CYP7B1: variants seen among roughly 807,000 people sequenced by gnomAD.
The protein encoded by CYP7B1 is cytochrome P450 7B1.
Under a neutral mutation model 42.7 loss-of-function variants are expected in CYP7B1, and 29 were observed. That is an observed-to-expected ratio of 0.68 (90% confidence interval 0.51 to 0.93). The LOEUF (loss-of-function observed/expected upper bound fraction) is 0.93. Among genes scored for constraint, CYP7B1 ranks in the 40% least tolerant of loss-of-function variants. CYP7B1 has a pLI of 0.00. For missense variants in CYP7B1, 655 were observed against 600.5 expected (o/e 1.09, Z -0.95); for synonymous variants, 235 against 218.2 (o/e 1.08, Z -0.68).
In CYP7B1 at chr8:64,596,099, A is replaced by G. The variant is rs1805113199; in HGVS notation, c.*543T>C. 6.2e-6 allele frequency: 1 copy of G among 161,936 alleles called. No individual in the cohort carries two copies. Among genetic ancestry groups the G allele is most frequent in the Admixed American group, 6.3e-5 (1 of 15,818 alleles). 10.0% of individuals were successfully genotyped at this position (161,936 alleles called of 1,614,324 possible). ...GAAGTGAAGTTGAAGCATTCAATCT[A>G]CTGTGAAACTCATTTAATGCACACA... is the stretch of plus-strand genomic sequence containing the variant. On this transcript the variant is annotated 3_prime_UTR_variant, in exon 6 of 6. Coordinates refer to ENST00000310193, the MANE Select transcript of CYP7B1 (RefSeq NM_004820.5).
At chr8:64,639,329 A>T (rs1188509509) in intron 1 of CYP7B1, among the ~76,000 whole-genome samples, 1 of 152,142 alleles carries the variant, frequency 6.6e-6, no homozygotes, top group Non-Finnish European at 1.5e-5. Flanking sequence ...AGAATTAAGT[A>T]GTGTATATAT....
intron 2 of CYP7B1, among the ~76,000 whole-genome samples, chr8:64,617,587 T>C (rs1204670768): frequency 6.6e-6 from 1 of 152,148 alleles, no homozygotes; most frequent in Admixed American, 6.6e-5. Context: ...ATTTAATGTC[T>C]TTCCTGTACA....
At position 64,593,232 on chromosome 8, in the gene CYP7B1, GGTGTGTGTGTGTGTGTGTGT is replaced by G. The variant is rs57590025; in HGVS notation, c.*3390_*3409del. On this transcript the variant is annotated 3_prime_UTR_variant, in exon 6 of 6. Transcript: ENST00000310193. ...TGGTGGACTAAAGGCTAGGGCCCAGGGTGTGTGTGTGTGTGTGTGTGTGTGTGTGTGTGTGTGTGTGTGTG... is the reference window on the plus strand; with the variant it reads ...TGGTGGACTAAAGGCTAGGGCCCAGGGTGTGTGTGTGTGTGTGTGTGTGTG... 1.5e-4 allele frequency among the ~76,000 whole-genome samples: 18 copies of G among 123,372 alleles called. No individual in the cohort carries two copies. Among genetic ancestry groups the G allele is most frequent in the South Asian group, 8.4e-4 (3 of 3,582 alleles). 80.9% of individuals were successfully genotyped at this position (123,372 alleles called of 152,430 possible). A position where few individuals can be genotyped will look rare whatever the true frequency, so the allele number is the denominator to read the frequency against.
intron 1 of CYP7B1, among the ~76,000 whole-genome samples, chr8:64,743,773 A>G (rs866281696): frequency 1.3e-5 from 2 of 152,354 alleles, no homozygotes; most frequent in Admixed American, 6.5e-5. Flanking sequence ...TTTGGGGCTC[A>G]ATATATTAAT....
intron 1 of CYP7B1, among the ~76,000 whole-genome samples, chr8:64,655,026 C>T (rs562615314): frequency 8.5e-5 from 13 of 152,132 alleles, no homozygotes; most frequent in Admixed American, 2.0e-4. Context: ...CAACTCCAGA[C>T]GGATTAAAAG....
At chr8:64,642,068 T>G (rs1805863783) in intron 1 of CYP7B1, among the ~76,000 whole-genome samples, 1 of 152,174 alleles carries the variant, frequency 6.6e-6, no homozygotes, top group Non-Finnish European at 1.5e-5. Flanking sequence ...TACCTCACAC[T>G]GATTGCAAAA....
intron 1 of CYP7B1, among the ~76,000 whole-genome samples, chr8:64,771,080 T>TTTTTTG (rs61295651): frequency 1.5e-5 from 2 of 132,376 alleles, no homozygotes; most frequent in Non-Finnish European, 3.1e-5. Context: ...TTTTTTTTTT[T>TTTTTTG]AGACAGGGTC....
At position 64,615,194 on chromosome 8, in the gene CYP7B1, T is replaced by A; in HGVS notation, c.889A>T (p.Thr297Ser). 6.2e-7 allele frequency: 1 copy of A among 1,613,380 alleles called. No homozygotes were observed. Among genetic ancestry groups the A allele is most frequent in the Non-Finnish European group, 8.5e-7 (1 of 1,179,632 alleles). Residue 297 changes from threonine (T) to serine (S), a missense_variant, in exon 4 of 6, where the codon ACT (threonine) becomes TCT (serine). By Grantham distance (58) the Thr-to-Ser change is moderately conservative (BLOSUM62 1). Transcript: ENST00000310193. ...LGFLWASVAN[T>S]IPTMFWAMYY... The stretch of plus-strand genomic sequence containing the variant: ...ATTGCCCAGAACATAGTTGGAATAG[T>A]GTTTGCCACAGAGGCCCAGAGAAAG...
intron 1 of CYP7B1, among the ~76,000 whole-genome samples, chr8:64,628,167 C>T (rs189468772): frequency 2.0e-4 from 30 of 152,258 alleles, no homozygotes; most frequent in Admixed American, 3.9e-4. Context: ...TTCTCATTAC[C>T]GTTTAAAAAA....
chr8:64,665,697 C>T (rs1041733885), intron 1 of CYP7B1, among the ~76,000 whole-genome samples: 4 of 150,158 alleles, frequency 2.7e-5, no homozygotes, highest in Non-Finnish European at 5.9e-5. Context: ...CCGCCTCAGC[C>T]TCTTGAGTAG....
At chr8:64,610,989 C>A (rs1435007060) in intron 4 of CYP7B1, among the ~76,000 whole-genome samples, 1 of 152,120 alleles carries the variant, frequency 6.6e-6, no homozygotes, top group African/African-American at 2.4e-5. Flanking sequence ...CAGTGGCAGG[C>A]ACATATTCAA....
At chr8:64,691,484 G>T (rs548829389) in intron 1 of CYP7B1, among the ~76,000 whole-genome samples, 1 of 145,832 alleles carries the variant, frequency 6.9e-6, no homozygotes, top group Admixed American at 6.8e-5. Flanking sequence ...ATGGCAACTG[G>T]GGGGGGGGGG....
At chr8:64,652,620 G>A (rs889345001) in intron 1 of CYP7B1, among the ~76,000 whole-genome samples, 17 of 152,242 alleles carry the variant, frequency 1.1e-4, no homozygotes, top group East Asian at 3.9e-4. Context: ...CGAGGCAGGC[G>A]GATCACGAGG....
chr8:64,613,936 T>C (rs1234940864), intron 4 of CYP7B1, among the ~76,000 whole-genome samples: 1 of 152,126 alleles, frequency 6.6e-6, no homozygotes, highest in South Asian at 2.1e-4. Context: ...TTAAAGAACC[T>C]GGAACATATT....
At chr8:64,695,872 G>T (rs1420753810) in intron 1 of CYP7B1, among the ~76,000 whole-genome samples, 1 of 151,850 alleles carries the variant, frequency 6.6e-6, no homozygotes, top group Non-Finnish European at 1.5e-5. Context: ...TAAAAGAAAA[G>T]AAAAATTTTT....
At chr8:64,772,740 T>C (rs1374519336) in intron 1 of CYP7B1, among the ~76,000 whole-genome samples, 1 of 152,210 alleles carries the variant, frequency 6.6e-6, no homozygotes, top group Non-Finnish European at 1.5e-5. Flanking sequence ...ATTCCTTCAA[T>C]GGATCCCCAT....
At chr8:64,600,516 T>G (rs575981410) in intron 5 of CYP7B1, among the ~76,000 whole-genome samples, 15 of 152,156 alleles carry the variant, frequency 9.9e-5, no homozygotes, top group African/African-American at 3.6e-4. Flanking sequence ...ATAAAAAAAG[T>G]CAGTGTTTTG....
chr8:64,739,033 AG>A (rs2129633243), intron 1 of CYP7B1, among the ~76,000 whole-genome samples: 1 of 152,314 alleles, frequency 6.6e-6, no homozygotes, highest in Non-Finnish European at 1.5e-5. Flanking sequence ...TGGCAGGCAG[AG>A]GGAAAGAGTA....
chr8:64,612,422 A>T (rs62519847), intron 4 of CYP7B1, among the ~76,000 whole-genome samples: 10,403 of 152,200 alleles, frequency 0.068, 460 homozygotes, highest in Non-Finnish European at 0.1. Context: ...TTAACAAGAT[A>T]CGTAAATATA....
Sources: gnomAD v4.1 joint callset for allele counts (sites outside exome capture counted in the v4.1 genomes callset) on GRCh38, gnomAD v4.1.1 for gene constraint, MANE v1.5 for transcripts, NCBI Gene and HGNC (gene_info 2026-07-23, HGNC 2026-07-21) for gene names.